Variants in GPC6 observed in about 807,000 individuals in gnomAD.
GPC6 encodes the protein glypican 6.
In GPC6, 14 loss-of-function variants were observed where a neutral mutation model predicts 55.2. That is an observed-to-expected ratio of 0.25 (90% CI 0.17 to 0.40). The LOEUF is 0.40. Ranked by LOEUF, GPC6 falls within the 10% of genes least tolerant of loss-of-function variation. GPC6 has a pLI of 1.00. For synonymous variants in GPC6, 278 were observed against 259.6 expected, an observed-to-expected ratio of 1.07 and a Z score of -0.68; for missense variants, 641 against 708.5, an observed-to-expected ratio of 0.90 and a Z score of 1.08.
intron 2 of GPC6, among the ~76,000 whole-genome samples, chr13:93,689,225 G>C (rs1029897154): frequency 2.0e-5 from 3 of 151,972 alleles, no homozygotes; most frequent in African/African-American, 7.2e-5. Context: ...TAAAATTGAA[G>C]TATTATTTTT....
At chr13:93,689,030 C>A (rs536131581) in intron 2 of GPC6, among the ~76,000 whole-genome samples, 3 of 151,992 alleles carry the variant, frequency 2.0e-5, no homozygotes, top group African/African-American at 7.2e-5. Flanking sequence ...TAGGTCATCT[C>A]TATTTCTACT....
chr13:93,622,189 A>G (rs139212057), intron 2 of GPC6, among the ~76,000 whole-genome samples: 63 of 152,286 alleles, frequency 4.1e-4, no homozygotes, highest in African/African-American at 1.3e-3. Flanking sequence ...TCATAATACC[A>G]TGCTCAAAAA....
chr13:93,339,984 TTAATAA>T (rs1218225198), intron 1 of GPC6, among the ~76,000 whole-genome samples: 1 of 151,856 alleles, frequency 6.6e-6, no homozygotes, highest in Non-Finnish European at 1.5e-5. Flanking sequence ...TATGGTTTAG[TTAATAA>T]TAATCCATTC....
chr13:93,381,267 G>A (rs1390404770), intron 1 of GPC6, among the ~76,000 whole-genome samples: 1 of 152,018 alleles, frequency 6.6e-6, no homozygotes, highest in Admixed American at 6.6e-5. Context: ...TCTACACAGT[G>A]GACATTGTGC....
chr13:93,889,155 G>A (rs1259180425), intron 3 of GPC6, among the ~76,000 whole-genome samples: 1 of 152,198 alleles, frequency 6.6e-6, no homozygotes, highest in East Asian at 1.9e-4. Context: ...GAATGGGTTA[G>A]CATTGATGTG....
At chr13:93,802,169 T>A (rs1886394041) in intron 2 of GPC6, among the ~76,000 whole-genome samples, 1 of 152,130 alleles carries the variant, frequency 6.6e-6, no homozygotes, top group African/African-American at 2.4e-5. Context: ...GGGACATACT[T>A]TTATCATTAT....
At chr13:93,229,350 A>G (rs1875931057) in intron 1 of GPC6, among the ~76,000 whole-genome samples, 1 of 152,084 alleles carries the variant, frequency 6.6e-6, no homozygotes, top group Non-Finnish European at 1.5e-5. Flanking sequence ...GGCTTTTTCA[A>G]ACGGTATCTT....
At chr13:94,240,396 T>TA (rs1891018361) in intron 4 of GPC6, among the ~76,000 whole-genome samples, 1 of 152,130 alleles carries the variant, frequency 6.6e-6, no homozygotes, top group African/African-American at 2.4e-5. Context: ...TTAATATTTT[T>TA]ACCCGAGAGG....
chr13:93,671,959 A>C (rs2139628730), intron 2 of GPC6, among the ~76,000 whole-genome samples: 1 of 152,228 alleles, frequency 6.6e-6, no homozygotes, highest in Admixed American at 6.5e-5. Flanking sequence ...AACTCATTAT[A>C]AAGAAATTCA....
At chr13:93,862,712 C>A (rs750844234) in intron 3 of GPC6, among the ~76,000 whole-genome samples, 14 of 151,592 alleles carry the variant, frequency 9.2e-5, no homozygotes, top group Non-Finnish European at 1.6e-4. Context: ...AGGAGCAAAT[C>A]CCATCAGGAA....
At chr13:94,053,681 A>T (rs190451340) in intron 4 of GPC6, among the ~76,000 whole-genome samples, 37 of 152,256 alleles carry the variant, frequency 2.4e-4, no homozygotes, top group African/African-American at 8.7e-4. Context: ...TCCCATCTAT[A>T]TATGTAACTC....
intron 1 of GPC6, among the ~76,000 whole-genome samples, chr13:93,301,473 T>G (rs1290933474): frequency 1.3e-5 from 2 of 152,238 alleles, no homozygotes; most frequent in East Asian, 3.8e-4. Context: ...AGTTACTCTC[T>G]TCTTGCATTA....
chr13:94,380,013 T>A (rs1445133144), intron 6 of GPC6, among the ~76,000 whole-genome samples: 1 of 152,068 alleles, frequency 6.6e-6, no homozygotes, highest in East Asian at 1.9e-4. Flanking sequence ...TGAGAATAAT[T>A]TAAAGAATGA....
chr13:94,279,456 G>T (rs148709034), intron 4 of GPC6, among the ~76,000 whole-genome samples: 1 of 150,286 alleles, frequency 6.7e-6, no homozygotes, highest in African/African-American at 2.4e-5. Flanking sequence ...ATTCTGCCCC[G>T]ATCTTAGTTA....
rs537184957 is a variant in GPC6 at position 93,981,390 on chromosome 13, TAATC to T, written c.712-46336_712-46333del. Among the ~76,000 whole-genome samples, 243 of 152,328 alleles carry T rather than the reference TAATC, an allele frequency of 1.6e-3. 1 individual carries two copies. The highest frequency in any genetic ancestry group is 5.2e-3 in the South Asian group (25 of 4,830). ...TTAATATGTTATTTAGTGAAAGAGT[TAATC>T]AAATGTTTGCCCTTTGGGGCCATGT... On this transcript the variant is annotated intron_variant, in intron 3 of 8. Transcript: ENST00000377047.
At chr13:93,485,727 A>T (rs981712358) in intron 1 of GPC6, among the ~76,000 whole-genome samples, 1 of 152,108 alleles carries the variant, frequency 6.6e-6, no homozygotes, top group Non-Finnish European at 1.5e-5. Flanking sequence ...AGGCGGTTTG[A>T]TGGGGTTCAG....
intron 2 of GPC6, among the ~76,000 whole-genome samples, chr13:93,735,364 C>T (rs1159455105): frequency 2.6e-5 from 4 of 151,986 alleles, no homozygotes; most frequent in Non-Finnish European, 4.4e-5. Context: ...GAAACCCCAT[C>T]TCTACTAAAA....
intron 2 of GPC6, among the ~76,000 whole-genome samples, chr13:93,748,458 A>C (rs562691624): frequency 6.6e-6 from 1 of 152,068 alleles, no homozygotes; most frequent in East Asian, 1.9e-4. Flanking sequence ...AGTAATTTAA[A>C]AGTTTATCAC....
chr13:94,351,007 T>A (rs1268899870), intron 6 of GPC6, among the ~76,000 whole-genome samples: 1 of 152,106 alleles, frequency 6.6e-6, no homozygotes, highest in East Asian at 1.9e-4. Context: ...TAGACTTTGA[T>A]TTTCAAAAAT....
Sources: gnomAD v4.1 joint callset for allele counts (sites outside exome capture counted in the v4.1 genomes callset) on GRCh38, gnomAD v4.1.1 for gene constraint, MANE v1.5 for transcripts, NCBI Gene and HGNC (gene_info 2026-07-23, HGNC 2026-07-21) for gene names.